MRPL50: variants seen among roughly 807,000 people sequenced by gnomAD.
MRPL50 encodes large ribosomal subunit protein mL50.
In MRPL50, 10 loss-of-function variants were observed where a neutral mutation model predicts 16.2. That is an observed-to-expected ratio of 0.62 (90% CI 0.38 to 1.05). MRPL50 has a LOEUF of 1.05. Among genes scored for constraint, MRPL50 ranks in the 50% least tolerant of loss-of-function variants. The pLI is 0.01. For missense variants in MRPL50, 213 were observed against 187.1 expected (o/e 1.14, Z -0.81); for synonymous variants, 68 against 66.8 (o/e 1.02, Z -0.09).
chr9:101,393,990 C>CAAAAAAAAAAAAAAAAAAAAAAAAA (rs76598460), intron 1 of MRPL50, among the ~76,000 whole-genome samples: 1 of 66,484 alleles, frequency 1.5e-5, no homozygotes, highest in Admixed American at 1.6e-4. Context: ...TAATGCTAAG[C>CAAAAAAAAAAAAAAAAAAAAAAAAA]AAAAAAAAAA....
rs1429887281 is a variant in MRPL50, at chr9:101,388,829, C to CT, written c.*1636dup. On this transcript the variant is annotated 3_prime_UTR_variant, in exon 2 of 2. Coordinates refer to ENST00000374865, the MANE Select transcript of MRPL50 (RefSeq NM_019051.3). ...ACTGCATCTGTACTGAATATGTATACTTTTTTTCCTTCTCATTATTCCCTA... is the reference window on the plus strand; with the variant it reads ...ACTGCATCTGTACTGAATATGTATACTTTTTTTTCCTTCTCATTATTCCCTA... 6.6e-6 allele frequency: 1 copy of CT among 152,238 alleles called. No homozygotes were observed. The highest frequency in any genetic ancestry group is 2.1e-4 in the South Asian group (1 of 4,832). The allele number at this position is 152,238 out of a possible 1,614,324, so 9.4% of individuals were successfully genotyped here. A position where few individuals can be genotyped will look rare whatever the true frequency, so the allele number is the denominator to read the frequency against.
At chr9:101,397,880 A>T (rs933664043) in intron 1 of MRPL50, among the ~76,000 whole-genome samples, 1 of 152,224 alleles carries the variant, frequency 6.6e-6, no homozygotes, top group African/African-American at 2.4e-5. Flanking sequence ...CAGAAAAAGC[A>T]GTAGATGGGG....
intron 1 of MRPL50, among the ~76,000 whole-genome samples, chr9:101,391,990 A>T (rs183450930): frequency 6.6e-6 from 1 of 152,210 alleles, no homozygotes; most frequent in Non-Finnish European, 1.5e-5. Flanking sequence ...AACGACAATG[A>T]AATATAACTA....
At chr9:101,397,637 AAAC>A (rs1830374951) in intron 1 of MRPL50, among the ~76,000 whole-genome samples, 2 of 152,218 alleles carry the variant, frequency 1.3e-5, no homozygotes, top group East Asian at 3.9e-4. Context: ...TGAATGAATA[AAAC>A]AAACTTGGAA....
rs1351367761 is a variant in MRPL50 at position 101,389,096 on chromosome 9, A to G, written c.*1370T>C. 6.5e-6 allele frequency: 1 copy of G among 153,302 alleles called. No individual in the cohort carries two copies. Among genetic ancestry groups the G allele is most frequent in the Non-Finnish European group, 1.5e-5 (1 of 68,852 alleles). 9.5% of individuals were successfully genotyped at this position (153,302 alleles called of 1,614,324 possible). On this transcript the variant is annotated 3_prime_UTR_variant, in exon 2 of 2. Coordinates refer to ENST00000374865, the MANE Select transcript of MRPL50 (RefSeq NM_019051.3). The stretch of plus-strand genomic sequence containing the variant: ...ATTTACATAGCTACATATTTACATA[A>G]CTTTAAAATTTACATATTTACATAA...
Position 101,389,555 on chromosome 9 carries a change from C to CAGCA in MRPL50, c.*907_*910dup. ...TCTATCACTTTTCTTTAGGAATTGT[C>CAGCA]AGCAGTCAGAACAATATAAGACATT... On this transcript the variant is annotated 3_prime_UTR_variant, in exon 2 of 2. Coordinates refer to ENST00000374865, the MANE Select transcript of MRPL50 (RefSeq NM_019051.3). 9.6e-7 allele frequency: 1 copy of CAGCA among 1,038,102 alleles called. No homozygotes were observed. The highest frequency in any genetic ancestry group is 1.4e-5 in the South Asian group (1 of 73,920). The allele number at this position is 1,038,102 out of a possible 1,614,324, so 64.3% of individuals were successfully genotyped here. A position where few individuals can be genotyped will look rare whatever the true frequency, so the allele number is the denominator to read the frequency against.
Position 101,388,036 on chromosome 9 carries a change from A to G in MRPL50, c.*2430T>C, listed in dbSNP as rs1315163434. 2.6e-5 allele frequency: 4 copies of G among 152,002 alleles called. No individual in the cohort carries two copies. The highest frequency in any genetic ancestry group is 2.1e-4 in the South Asian group (1 of 4,824). 9.4% of individuals were successfully genotyped at this position (152,002 alleles called of 1,614,324 possible). ...TTTACCCTCGTCGGCTAAATTTACC[A>G]AGACTGTTGTTTCAGGTGGCAGTAC... On this transcript the variant is annotated 3_prime_UTR_variant, in exon 2 of 2. Coordinates refer to ENST00000374865, the MANE Select transcript of MRPL50 (RefSeq NM_019051.3).
Position 101,390,658 on chromosome 9 carries a change from A to T in MRPL50, c.285T>A (p.Arg95=). ...NWQDISLEDS[R]LKFNLLAHLA... ...AATGAGCCAGAAGATTGAACTTTAG[A>T]CGACTATCTTCCAGGGAGATGTCTT... Residue 95 remains arginine, a synonymous_variant, in exon 2 of 2, where the codon CGT becomes CGA. Coordinates refer to ENST00000374865, the MANE Select transcript of MRPL50 (RefSeq NM_019051.3). 6.2e-7 allele frequency: 1 copy of T among 1,613,478 alleles called. No homozygotes were observed. The highest frequency in any genetic ancestry group is 8.5e-7 in the Non-Finnish European group (1 of 1,179,566).
Position 101,398,552 on chromosome 9 carries a change from A to C in MRPL50, c.41T>G (p.Phe14Cys). 6.2e-7 allele frequency: 1 copy of C among 1,614,080 alleles called. No homozygotes were observed. The highest frequency in any genetic ancestry group is 8.5e-7 in the Non-Finnish European group (1 of 1,180,020). ...TGGTGTCCCTGAGACTGTCCACATG[A>C]AGACTCTTCTGGTAATGCCCGACAC... ...RSVSGITRRV[F>C]MWTVSGTPCR... Residue 14 changes from phenylalanine (F) to cysteine (C), a missense_variant, in exon 1 of 2, where the codon TTC becomes TGC. Phe to Cys is a radical substitution (Grantham distance 205). Transcript: ENST00000374865.
intron 1 of MRPL50, among the ~76,000 whole-genome samples, chr9:101,391,928 A>G (rs1830279035): frequency 6.6e-6 from 1 of 152,090 alleles, no homozygotes; most frequent in South Asian, 2.1e-4. Context: ...ATAGAACACA[A>G]AACAAGTTTT....
chr9:101,392,782 C>T (rs1392076299), intron 1 of MRPL50, among the ~76,000 whole-genome samples: 1 of 151,984 alleles, frequency 6.6e-6, no homozygotes, highest in Non-Finnish European at 1.5e-5. Context: ...CTTCCAAACA[C>T]ACTCTACAAG....
chr9:101,395,914 T>C (rs947397007), intron 1 of MRPL50, among the ~76,000 whole-genome samples: 5 of 152,224 alleles, frequency 3.3e-5, no homozygotes, highest in Admixed American at 3.3e-4. Flanking sequence ...TAGTAATTTA[T>C]TTGTATTTCA....
chr9:101,390,873 G>C (rs10989486), intron 1 of MRPL50, 23 bp from the exon 2 acceptor site: 522,077 of 1,555,082 alleles, frequency 0.34, 92,372 homozygotes, highest in African/African-American at 0.61. Flanking sequence ...AAAACAAACA[G>C]ACAAATCCAT....
chr9:101,394,251 G>C (rs868216389), intron 1 of MRPL50, among the ~76,000 whole-genome samples: 1 of 152,130 alleles, frequency 6.6e-6, no homozygotes, highest in South Asian at 2.1e-4. Context: ...TCAGACTCCG[G>C]CTGCAAGAGT....
rs775994063 is a variant in MRPL50 at position 101,390,647 on chromosome 9, T to C, written c.296A>G (p.Asn99Ser). 64 of 1,613,430 alleles carry C rather than the reference T, an allele frequency of 4.0e-5. No homozygotes were observed. The highest frequency in any genetic ancestry group is 1.3e-4 in the African/African-American group (10 of 74,880). ...GTCATCAGCTAAATGAGCCAGAAGA[T>C]TGAACTTTAGACGACTATCTTCCAG... ...ISLEDSRLKFNLLAHLADDLG... is the reference protein window; with the variant it reads ...ISLEDSRLKFSLLAHLADDLG... The change falls in exon 2 of 2, where the codon AAT (asparagine) becomes AGT (serine). Residue 99 changes from asparagine to serine, a missense_variant. By Grantham distance (46) the Asn-to-Ser change is conservative. Coordinates refer to ENST00000374865, the MANE Select transcript of MRPL50 (RefSeq NM_019051.3).
chr9:101,390,681 C>G lies in MRPL50; in HGVS notation c.262G>C (p.Asp88His). 6.2e-7 allele frequency: 1 copy of G among 1,608,234 alleles called. No individual in the cohort carries two copies. ...FGSSLPSNWQDISLEDSRLKF... is the reference protein window; with the variant it reads ...FGSSLPSNWQHISLEDSRLKF... ...AGACGACTATCTTCCAGGGAGATGTCTTGCCAATTACTAGGAAGAGATGAA... is the reference window on the plus strand; with the variant it reads ...AGACGACTATCTTCCAGGGAGATGTGTTGCCAATTACTAGGAAGAGATGAA... The change falls in exon 2 of 2, where the codon GAC (aspartate) becomes CAC (histidine). Residue 88 changes from aspartate (D) to histidine (H), a missense_variant. Transcript: ENST00000374865.
At position 101,389,435 on chromosome 9, in the gene MRPL50, G is replaced by T. The variant is rs1451493763; in HGVS notation, c.*1031C>A. ...ACTGTTAACTAATTTTCTTCATGAA[G>T]ATTCCAGAATTTATATTCCCAACTG... On this transcript the variant is annotated 3_prime_UTR_variant, in exon 2 of 2. Transcript: ENST00000374865. 3.9e-6 allele frequency: 5 copies of T among 1,280,842 alleles called. No individual in the cohort carries two copies. In the South Asian group the frequency reaches 5.0e-5, roughly 13 times the overall value. 79.3% of individuals were successfully genotyped at this position (1,280,842 alleles called of 1,614,324 possible). A position where few individuals can be genotyped will look rare whatever the true frequency, so the allele number is the denominator to read the frequency against.
At position 101,389,651 on chromosome 9, in the gene MRPL50, A is replaced by T; in HGVS notation, c.*815T>A. 1 of 344,676 alleles carries T rather than the reference A, an allele frequency of 2.9e-6. No homozygotes were observed. Among genetic ancestry groups the T allele is most frequent in the Non-Finnish European group, 5.1e-6 (1 of 196,774 alleles). The allele number at this position is 344,676 out of a possible 1,614,324, so 21.4% of individuals were successfully genotyped here. A position where few individuals can be genotyped will look rare whatever the true frequency, so the allele number is the denominator to read the frequency against. ...AAATCCCAAATTTAACACCTTTGTC[A>T]TTCAGAACCATCTGATAACCTGCTA... On this transcript the variant is annotated 3_prime_UTR_variant, in exon 2 of 2. Transcript: ENST00000374865.
intron 1 of MRPL50, among the ~76,000 whole-genome samples, chr9:101,391,426 G>GT (rs1830269015): frequency 6.6e-6 from 1 of 152,062 alleles, no homozygotes; most frequent in South Asian, 2.1e-4. Context: ...CTCTCAGAGT[G>GT]TATCACATCC....
Sources: allele counts gnomAD v4.1 joint callset (sites outside exome capture counted in the v4.1 genomes callset), GRCh38; gene constraint gnomAD v4.1.1; transcripts MANE v1.5; gene names NCBI Gene and HGNC (gene_info 2026-07-23, HGNC 2026-07-21).